Variants in VWA5A observed in about 807,000 individuals in gnomAD.
VWA5A encodes the protein von Willebrand factor A domain containing 5A.
VWA5A carries 77 observed loss-of-function variants against 84.6 expected under a neutral mutation model. The ratio of observed to expected loss-of-function variants is 0.91; its 90% CI spans 0.76 to 1.10. VWA5A has a LOEUF of 1.10. Among genes scored for constraint, VWA5A ranks in the 50% least tolerant of loss-of-function variants. The pLI is 0.00. For missense variants in VWA5A, 973 were observed against 963.0 expected, an observed-to-expected ratio of 1.01 and a Z score of -0.14; for synonymous variants, 334 against 350.1, an observed-to-expected ratio of 0.95 and a Z score of 0.51.
rs775297302 is a variant in VWA5A, at chr11:124,118,483, G to C, written c.470-50G>C. ...GGGAAATTTTCTTAAGGTTGAGAGT[G>C]TCATAAAAAGTGTTGGCAAGGAAAA... is the stretch of plus-strand genomic sequence containing the variant. On this transcript the variant is annotated intron_variant, in intron 5 of 18. Coordinates refer to ENST00000456829, the MANE Select transcript of VWA5A (RefSeq NM_001130142.2). 3 of 1,611,154 alleles carry C rather than the reference G, an allele frequency of 1.9e-6. No homozygotes were observed. In the South Asian group the frequency reaches 3.3e-5, roughly 18 times the overall value.
chr11:124,126,010 GCA>G (rs1195749442), intron 11 of VWA5A, among the ~76,000 whole-genome samples: 7 of 152,158 alleles, frequency 4.6e-5, no homozygotes, highest in African/African-American at 1.7e-4. Context: ...TCTCAGTAAT[GCA>G]CAGTGTCATC....
chr11:124,146,332 G>T lies in VWA5A; in HGVS notation c.*387G>T. 5.1e-6 allele frequency: 1 copy of T among 195,082 alleles called. No individual in the cohort carries two copies. The highest frequency in any genetic ancestry group is 1.0e-5 in the Non-Finnish European group (1 of 95,800). The allele number at this position is 195,082 out of a possible 1,614,324, so 12.1% of individuals were successfully genotyped here. On this transcript the variant is annotated 3_prime_UTR_variant, in exon 19 of 19. Transcript: ENST00000456829. ...TTAGAGAATTTTCTGCATTATCTTT[G>T]TCTGTTCACTTTCTATCTTATATAC... is the stretch of plus-strand genomic sequence containing the variant.
At chr11:124,131,510 T>C (rs1865097195) in intron 11 of VWA5A, among the ~76,000 whole-genome samples, 2 of 152,136 alleles carry the variant, frequency 1.3e-5, no homozygotes, top group Non-Finnish European at 2.9e-5. Context: ...TTTATAATTC[T>C]CTGTGTAGAG....
intron 15 of VWA5A, among the ~76,000 whole-genome samples, chr11:124,140,487 A>G (rs1227745521): frequency 6.6e-6 from 1 of 151,932 alleles, no homozygotes; most frequent in Non-Finnish European, 1.5e-5. Flanking sequence ...TTTTTGAGTC[A>G]GGATCTCACT....
chr11:124,131,331 A>G (rs540558215), intron 11 of VWA5A, among the ~76,000 whole-genome samples: 2 of 152,244 alleles, frequency 1.3e-5, no homozygotes, highest in African/African-American at 4.8e-5. Context: ...ATAAGATTTC[A>G]TCATGCGACT....
chr11:124,145,671 G>T (rs1860808316), intron 18 of VWA5A, among the ~76,000 whole-genome samples, 195 bp from the exon 19 acceptor site: 1 of 152,116 alleles, frequency 6.6e-6, no homozygotes, highest in Non-Finnish European at 1.5e-5. Flanking sequence ...TGTTCTCCTG[G>T]CTGTTTGTTA....
intron 15 of VWA5A, among the ~76,000 whole-genome samples, chr11:124,140,215 A>G (rs909724242): frequency 6.6e-6 from 1 of 152,168 alleles, no homozygotes; most frequent in Non-Finnish European, 1.5e-5. Flanking sequence ...TTGTGCATCT[A>G]TGTTAATCAA....
In VWA5A at chr11:124,146,841, A is replaced by G. The variant is rs1860830567; in HGVS notation, c.*896A>G. On this transcript the variant is annotated 3_prime_UTR_variant, in exon 19 of 19. Transcript: ENST00000456829. ...ACCCTATCCTGGTGGAAATGACCCTATTTGATATGCTGTCCCTTAAAATAA... is the reference window on the plus strand; with the variant it reads ...ACCCTATCCTGGTGGAAATGACCCTGTTTGATATGCTGTCCCTTAAAATAA... 1 of 156,484 alleles carries G rather than the reference A, an allele frequency of 6.4e-6. No individual in the cohort carries two copies. The highest frequency in any genetic ancestry group is 2.4e-5 in the African/African-American group (1 of 41,442). The allele number at this position is 156,484 out of a possible 1,614,324, so 9.7% of individuals were successfully genotyped here. A position where few individuals can be genotyped will look rare whatever the true frequency, so the allele number is the denominator to read the frequency against.
intron 17 of VWA5A, among the ~76,000 whole-genome samples, chr11:124,143,478 T>G (rs1028215642): frequency 3.3e-5 from 5 of 152,214 alleles, no homozygotes; most frequent in African/African-American, 1.2e-4. Context: ...AATGAGGAAC[T>G]GAATTTTTAA....
chr11:124,137,636 G>T (rs1375699626), intron 15 of VWA5A, among the ~76,000 whole-genome samples: 1 of 152,116 alleles, frequency 6.6e-6, no homozygotes, highest in Non-Finnish European at 1.5e-5. Flanking sequence ...GTTTTAGTAT[G>T]TTCACAGAGT....
rs753977344 is a variant in VWA5A, at chr11:124,136,274, A to G, written c.1505A>G (p.Gln502Arg). The G allele has an allele frequency of 1.9e-6, 3 of 1,613,448 alleles. No individual in the cohort carries two copies. Among genetic ancestry groups the G allele is most frequent in the Admixed American group, 1.7e-5 (1 of 60,020 alleles). The change falls in exon 13 of 19, where the codon CAG (glutamine) becomes CGG (arginine). Residue 502 changes from glutamine (Q) to arginine (R), a missense_variant. Transcript: ENST00000456829. ...GGTCAGAGATTAATCAGCTATGCCC[A>G]GCTGACCGGGAGGATGCCAGTGAGT... is the stretch of plus-strand genomic sequence containing the variant. ...FRGQRLISYA[Q>R]LTGRMPAAET...
intron 1 of VWA5A, chr11:124,115,769 C>T (rs1864817482): frequency 6.6e-6 from 1 of 152,172 alleles, no homozygotes; most frequent in South Asian, 2.1e-4. Flanking sequence ...CTTTTTTTCC[C>T]GCTTTCTTTC....
rs2137656260 is a variant in VWA5A, at chr11:124,136,236, T to A, written c.1467T>A (p.Thr489=). The A allele has an allele frequency of 6.2e-7, 1 of 1,614,184 alleles. No individual in the cohort carries two copies. The highest frequency in any genetic ancestry group is 1.1e-5 in the South Asian group (1 of 91,082). Residue 489 remains threonine (T), a synonymous_variant, in exon 13 of 19, where the codon ACT becomes ACA. Coordinates refer to ENST00000456829, the MANE Select transcript of VWA5A (RefSeq NM_001130142.2). ...CTAAAATGCTTTCCCCAGAACAGAC[T>A]GTCATCTTTAGGGGTCAGAGATTAA... ...LSAKMLSPEQ[T]VIFRGQRLIS...
intron 13 of VWA5A, 58 bp downstream of exon 13, chr11:124,136,351 C>T: frequency 1.9e-6 from 3 of 1,575,110 alleles, no homozygotes; most frequent in South Asian, 2.3e-5. Context: ...GACCATTCCA[C>T]TAAAGCTGGT....
In VWA5A at chr11:124,119,104, C is replaced by T. The variant is rs138196059; in HGVS notation, c.760+15C>T. On this transcript the variant is annotated intron_variant, in intron 7 of 18. Transcript: ENST00000456829. ...CATGAAGCCAGGTATTTTCTTTCTT[C>T]CTTTGTAGTCATCCCCTAAGGGGCA... 4,434 of 1,606,980 alleles carry T rather than the reference C, an allele frequency of 2.8e-3. 19 individuals carry two copies. Among genetic ancestry groups the T allele is most frequent in the Middle Eastern group, 0.018 (108 of 6,056 alleles).
Position 124,146,729 on chromosome 11 carries a change from C to G in VWA5A, c.*784C>G, listed in dbSNP as rs1860828443. 2 of 152,372 alleles carry G rather than the reference C, an allele frequency of 1.3e-5. No homozygotes were observed. Among genetic ancestry groups the G allele is most frequent in the African/African-American group, 4.8e-5 (2 of 41,428 alleles). 9.4% of individuals were successfully genotyped at this position (152,372 alleles called of 1,614,324 possible). A position where few individuals can be genotyped will look rare whatever the true frequency, so the allele number is the denominator to read the frequency against. On this transcript the variant is annotated 3_prime_UTR_variant, in exon 19 of 19. Transcript: ENST00000456829. The stretch of plus-strand genomic sequence containing the variant: ...AAGGGAAGGGTGGGCTTAATGGGAG[C>G]TTTGCCTGGGACCTGAACCTGGAGC...
At chr11:124,132,926 T>C (rs1865119577) in intron 11 of VWA5A, among the ~76,000 whole-genome samples, 1 of 152,242 alleles carries the variant, frequency 6.6e-6, no homozygotes, top group South Asian at 2.1e-4. Context: ...ATTTTAAATA[T>C]GGATATGACA....
intron 7 of VWA5A, among the ~76,000 whole-genome samples, chr11:124,121,487 T>G (rs1353101656): frequency 2.0e-5 from 3 of 150,010 alleles, no homozygotes; most frequent in Non-Finnish European, 4.4e-5. Flanking sequence ...ATTTTGTGAT[T>G]TTTTTTTTAG....
At chr11:124,130,239 CA>C (rs1446371674) in intron 11 of VWA5A, among the ~76,000 whole-genome samples, 1 of 152,112 alleles carries the variant, frequency 6.6e-6, no homozygotes, top group Non-Finnish European at 1.5e-5. Context: ...GTTATTTACC[CA>C]GTGGTCATTC....
Sources: allele counts gnomAD v4.1 joint callset (sites outside exome capture counted in the v4.1 genomes callset), GRCh38; gene constraint gnomAD v4.1.1; transcripts MANE v1.5; gene names NCBI Gene and HGNC (gene_info 2026-07-23, HGNC 2026-07-21).